The following AHI1 variants were observed in gnomAD, a reference collection of about 807,000 sequenced individuals.
The protein encoded by AHI1 is Abelson helper integration site 1, also known as jouberin.
Under a neutral mutation model 149.3 loss-of-function variants are expected in AHI1, and 123 were observed. That is an observed-to-expected ratio of 0.82 (90% CI 0.71 to 0.96). AHI1 has a LOEUF of 0.96. AHI1 is among the 40% of genes least tolerant of loss of function. AHI1 has a pLI of 0.00. For synonymous variants in AHI1, 475 were observed against 459.8 expected (o/e 1.03, Z -0.42); for missense variants, 1,439 against 1,422.7 (o/e 1.01, Z -0.18).
rs541899593 is a variant in AHI1, at chr6:135,326,436, T to A, written c.3166-3112A>T. 4.2e-4 allele frequency among the ~76,000 whole-genome samples: 64 copies of A among 152,264 alleles called. 1 individual carries two copies. Among genetic ancestry groups the A allele is most frequent in the African/African-American group, 1.4e-3 (59 of 41,540 alleles). The stretch of plus-strand genomic sequence containing the variant: ...TAAATTTCTTCTTCTTCTTCTTTTT[T>A]AAAAAAATTATTTCAATAGCTTTAG... On this transcript the variant is annotated intron_variant, in intron 24 of 28. Coordinates refer to ENST00000265602, the MANE Select transcript of AHI1 (RefSeq NM_001134831.2).
At chr6:135,307,367 G>A (rs1284203414) in intron 26 of AHI1, among the ~76,000 whole-genome samples, 1 of 152,126 alleles carries the variant, frequency 6.6e-6, no homozygotes, top group Non-Finnish European at 1.5e-5. Flanking sequence ...TTTATGAAAA[G>A]ATTAGCGTAT....
intron 26 of AHI1, among the ~76,000 whole-genome samples, chr6:135,312,044 C>T (rs893492300): frequency 6.6e-6 from 1 of 152,214 alleles, no homozygotes; most frequent in African/African-American, 2.4e-5. Flanking sequence ...ATGTAAGATG[C>T]AGCAGCTGCC....
chr6:135,431,135 A>G (rs2128016250), intron 17 of AHI1, 73 bp downstream of exon 17: 1 of 998,588 alleles, frequency 1.0e-6, no homozygotes, highest in Non-Finnish European at 1.5e-6. Context: ...CTGACATCCT[A>G]TCTTAAAGTC....
intron 14 of AHI1, among the ~76,000 whole-genome samples, chr6:135,439,832 C>A (rs1223536468): frequency 6.6e-6 from 1 of 152,006 alleles, no homozygotes; most frequent in African/African-American, 2.4e-5. Flanking sequence ...CACTGAGGGT[C>A]TTAGAACATA....
intron 15 of AHI1, among the ~76,000 whole-genome samples, chr6:135,433,509 AAAATT>A (rs1347296775): frequency 6.6e-6 from 1 of 152,176 alleles, no homozygotes; most frequent in Non-Finnish European, 1.5e-5. Context: ...TCTATACTAT[AAAATT>A]AATAACTTTT....
At chr6:135,463,371 G>A in intron 7 of AHI1, 65 bp from the exon 8 acceptor site, 1 of 1,314,360 alleles carries the variant, frequency 7.6e-7, no homozygotes, top group Admixed American at 2.2e-5. Context: ...TATTCATGAT[G>A]CAACAGAGTG....
Position 135,308,843 on chromosome 6 carries a change from C to T in AHI1, c.3427-8285G>A, listed in dbSNP as rs559202140. Reference sequence around the variant, plus strand: ...AAGTTAAACTACAGGGGGATTCTCTCATGTTCCTTTCATTTCAGAACCACT... The same window carrying T: ...AAGTTAAACTACAGGGGGATTCTCTTATGTTCCTTTCATTTCAGAACCACT... On this transcript the variant is annotated intron_variant, in intron 26 of 28. Transcript: ENST00000265602. Among the ~76,000 whole-genome samples, 3 of 152,362 alleles carry T rather than the reference C, an allele frequency of 2.0e-5. No individual in the cohort carries two copies. The East Asian group carries it at 5.8e-4, about 29-fold the overall frequency.
chr6:135,492,346 A>G, intron 3 of AHI1, 55 bp from the exon 4 acceptor site: 2 of 1,466,756 alleles, frequency 1.4e-6, no homozygotes, highest in Non-Finnish European at 1.8e-6. Context: ...TAAAAATTAT[A>G]AAACGTTCTT....
intron 23 of AHI1, among the ~76,000 whole-genome samples, chr6:135,364,080 C>G (rs573746128): frequency 4.3e-4 from 64 of 150,568 alleles, no homozygotes; most frequent in African/African-American, 1.6e-3. Flanking sequence ...CTGACCCCCC[C>G]ACCTCCCTCC....
chr6:135,397,668 T>C (rs532756389), intron 22 of AHI1, among the ~76,000 whole-genome samples: 1 of 152,182 alleles, frequency 6.6e-6, no homozygotes, highest in East Asian at 1.9e-4. Flanking sequence ...GCTCTGAACA[T>C]GAAATTGAAT....
At chr6:135,354,979 C>G (rs1040155833) in intron 24 of AHI1, among the ~76,000 whole-genome samples, 1 of 152,168 alleles carries the variant, frequency 6.6e-6, no homozygotes, top group African/African-American at 2.4e-5. Flanking sequence ...TCCAATGTCT[C>G]TTCTGCAATA....
At chr6:135,304,679 G>A (rs920506314) in intron 26 of AHI1, among the ~76,000 whole-genome samples, 2 of 152,170 alleles carry the variant, frequency 1.3e-5, no homozygotes, top group Admixed American at 1.3e-4. Flanking sequence ...GCTGAGGTAG[G>A]AGAATTGCTT....
intron 24 of AHI1, among the ~76,000 whole-genome samples, chr6:135,357,275 A>C (rs1793139556): frequency 6.6e-6 from 1 of 152,190 alleles, no homozygotes; most frequent in Non-Finnish European, 1.5e-5. Context: ...GACTATCCCT[A>C]ATCCAAAAAC....
rs555350189 is a variant in AHI1 at position 135,457,056 on chromosome 6, G to A, written c.1151+438C>T. Among the ~76,000 whole-genome samples the A allele has an allele frequency of 1.5e-3, 223 of 152,230 alleles. 1 individual carries two copies. Among genetic ancestry groups the A allele is most frequent in the African/African-American group, 5.2e-3 (214 of 41,532 alleles). On this transcript the variant is annotated intron_variant, in intron 9 of 28. Transcript: ENST00000265602. Reference sequence around the variant, plus strand: ...GCCTGTAATCCCAGCACTTTGGGAGGGTGAGGCAGGTAGATCGCCTGAGGT... The same window carrying A: ...GCCTGTAATCCCAGCACTTTGGGAGAGTGAGGCAGGTAGATCGCCTGAGGT...
chr6:135,436,033 T>G (rs1785351088), intron 15 of AHI1, among the ~76,000 whole-genome samples: 1 of 152,158 alleles, frequency 6.6e-6, no homozygotes, highest in South Asian at 2.1e-4. Flanking sequence ...AAGTTTGGTT[T>G]TGGATTTGAG....
intron 24 of AHI1, among the ~76,000 whole-genome samples, chr6:135,346,620 A>C (rs1202331669): frequency 6.6e-6 from 1 of 152,208 alleles, no homozygotes; most frequent in Non-Finnish European, 1.5e-5. Context: ...TATGAGCTGG[A>C]CAGTCATTCA....
At chr6:135,448,954 T>TA (rs1373087562) in intron 11 of AHI1, among the ~76,000 whole-genome samples, 2 of 152,256 alleles carry the variant, frequency 1.3e-5, no homozygotes, top group Non-Finnish European at 2.9e-5. Flanking sequence ...AGCCATTCGT[T>TA]ACATTTTTTT....
intron 22 of AHI1, among the ~76,000 whole-genome samples, chr6:135,396,512 T>C (rs571939410): frequency 1.3e-5 from 2 of 151,734 alleles, no homozygotes; most frequent in Non-Finnish European, 3.0e-5. Flanking sequence ...GGGCAAACCA[T>C]AAAGTAGTAT....
At chr6:135,365,852 C>A (rs1182227468) in intron 23 of AHI1, among the ~76,000 whole-genome samples, 1 of 152,158 alleles carries the variant, frequency 6.6e-6, no homozygotes, top group Non-Finnish European at 1.5e-5. Flanking sequence ...TTATGTTGAA[C>A]AGAAGTGGTG....
Sources: gnomAD v4.1 joint callset for allele counts (sites outside exome capture counted in the v4.1 genomes callset) on GRCh38, gnomAD v4.1.1 for gene constraint, MANE v1.5 for transcripts, NCBI Gene and HGNC (gene_info 2026-07-23, HGNC 2026-07-21) for gene names.